Variants in KMT2C observed in about 807,000 individuals in gnomAD.
KMT2C encodes the protein lysine methyltransferase 2C, also known as histone-lysine N-methyltransferase 2C.
A neutral mutation model predicts 507.9 loss-of-function variants in KMT2C; 88 were observed. The observed-to-expected ratio is 0.17, with a 90% CI of 0.15 to 0.21. The LOEUF (loss-of-function observed/expected upper bound fraction) is 0.21, where lower values mean the gene tolerates loss of function less well. Among genes scored for constraint, KMT2C ranks in the 10% least tolerant of loss-of-function variants. KMT2C has a pLI of 1.00. For synonymous variants in KMT2C, 2,049 were observed against 2,080.8 expected (o/e 0.98, Z 0.42); for missense variants, 4,954 against 5,957.8 (o/e 0.83, Z 5.55).
intron 1 of KMT2C, among the ~76,000 whole-genome samples, chr7:152,410,513 G>A (rs2097670608): frequency 6.6e-6 from 1 of 152,182 alleles, no homozygotes; most frequent in Admixed American, 6.5e-5. Context: ...GGGAGGTGGA[G>A]GCTGCAGTGA....
chr7:152,263,660 G>A (rs112417246), intron 8 of KMT2C, among the ~76,000 whole-genome samples: 1 of 152,106 alleles, frequency 6.6e-6, no homozygotes, highest in African/African-American at 2.4e-5. Flanking sequence ...GAGAATTAAA[G>A]GTAATGCGGG....
At chr7:152,268,123 T>C (rs2095889481) in intron 7 of KMT2C, among the ~76,000 whole-genome samples, 2 of 152,150 alleles carry the variant, frequency 1.3e-5, no homozygotes, top group African/African-American at 4.8e-5. Flanking sequence ...CTACTAAAAA[T>C]ACAAAATTAG....
At chr7:152,257,865 GCACA>G (rs113752747) in intron 9 of KMT2C, among the ~76,000 whole-genome samples, 8 of 147,214 alleles carry the variant, frequency 5.4e-5, no homozygotes, top group African/African-American at 4.9e-5. Context: ...ACACACACAC[GCACA>G]CACACACACA....
intron 3 of KMT2C, among the ~76,000 whole-genome samples, chr7:152,330,072 A>T (rs909561930): frequency 7.4e-6 from 1 of 134,860 alleles, no homozygotes; most frequent in African/African-American, 2.8e-5. Flanking sequence ...TGAACCAGGG[A>T]ATTGGAGGTT....
intron 39 of KMT2C, among the ~76,000 whole-genome samples, chr7:152,171,778 T>C (rs982439207): frequency 6.6e-6 from 1 of 152,244 alleles, no homozygotes; most frequent in Non-Finnish European, 1.5e-5. Context: ...CAGTCTGTGT[T>C]AAAAACTAAT....
At chr7:152,217,170 T>C (rs1367370012) in intron 23 of KMT2C, among the ~76,000 whole-genome samples, 1 of 152,092 alleles carries the variant, frequency 6.6e-6, no homozygotes, top group African/African-American at 2.4e-5. Context: ...TAATACAAAA[T>C]ACCCAGAAAA....
At chr7:152,380,369 G>A (rs111789169) in intron 1 of KMT2C, among the ~76,000 whole-genome samples, 1 of 150,142 alleles carries the variant, frequency 6.7e-6, no homozygotes, top group Non-Finnish European at 1.5e-5. Flanking sequence ...GGAGTTCAAG[G>A]CCAACCTGAC....
At chr7:152,167,812 C>T (rs2092797473) in intron 41 of KMT2C, among the ~76,000 whole-genome samples, 2 of 152,046 alleles carry the variant, frequency 1.3e-5, no homozygotes, top group Non-Finnish European at 2.9e-5. Context: ...AATCACTTCC[C>T]ATGTTAATTT....
intron 6 of KMT2C, among the ~76,000 whole-genome samples, chr7:152,292,247 C>G (rs941463583): frequency 6.6e-6 from 1 of 152,096 alleles, no homozygotes; most frequent in African/African-American, 2.4e-5. Flanking sequence ...CCACTTTTCT[C>G]CTTTTCTTGT....
intron 53 of KMT2C, 54 bp from the exon 54 acceptor site, chr7:152,145,349 C>A: frequency 1.3e-6 from 2 of 1,563,640 alleles, no homozygotes; most frequent in Admixed American, 1.8e-5. Flanking sequence ...AGACTACAGA[C>A]AATCTCAAGC....
chr7:152,246,282 G>A (rs1347177398), intron 14 of KMT2C, among the ~76,000 whole-genome samples: 1 of 152,068 alleles, frequency 6.6e-6, no homozygotes, highest in Non-Finnish European at 1.5e-5. Context: ...GGAAAACACA[G>A]CCTACAAAAT....
chr7:152,301,864 T>C (rs2096572067), intron 6 of KMT2C, among the ~76,000 whole-genome samples: 1 of 152,366 alleles, frequency 6.6e-6, no homozygotes, highest in Non-Finnish European at 1.5e-5. Flanking sequence ...AGTCAGTAAC[T>C]TAAAGGATCT....
chr7:152,340,869 A>G (rs564108040), intron 2 of KMT2C, among the ~76,000 whole-genome samples: 65 of 152,212 alleles, frequency 4.3e-4, no homozygotes, highest in Non-Finnish European at 5.3e-4. Flanking sequence ...TTTAAATAGT[A>G]ATTGTTTAAG....
chr7:152,229,185 GA>G (rs1312494336), intron 18 of KMT2C, among the ~76,000 whole-genome samples: 1 of 152,156 alleles, frequency 6.6e-6, no homozygotes, highest in African/African-American at 2.4e-5. Context: ...GGCAGTACTA[GA>G]AAAGATTTCC....
chr7:152,202,791 G>C (rs2094188072), intron 26 of KMT2C, 143 bp downstream of exon 26: 1 of 682,422 alleles, frequency 1.5e-6, no homozygotes, highest in Non-Finnish European at 2.4e-6. Flanking sequence ...ACCCCTGAAA[G>C]GTAAAAATGG....
chr7:152,191,683 G>A (rs560240677), intron 31 of KMT2C, among the ~76,000 whole-genome samples: 7 of 152,310 alleles, frequency 4.6e-5, no homozygotes, highest in Admixed American at 2.6e-4. Flanking sequence ...GAAAAGGCTA[G>A]CTGCCTCTGC....
At chr7:152,270,493 AC>A (rs1425043509) in intron 7 of KMT2C, among the ~76,000 whole-genome samples, 1 of 152,216 alleles carries the variant, frequency 6.6e-6, no homozygotes, top group Non-Finnish European at 1.5e-5. Context: ...TACAAGGCCT[AC>A]ATGATCTAGC....
intron 6 of KMT2C, among the ~76,000 whole-genome samples, chr7:152,294,962 CTA>C (rs2096475980): frequency 6.6e-6 from 1 of 152,124 alleles, no homozygotes; most frequent in Non-Finnish European, 1.5e-5. Flanking sequence ...GGAAAACTGT[CTA>C]TGATTCCTAC....
At chr7:152,240,980 T>A (rs1237114259) in intron 14 of KMT2C, among the ~76,000 whole-genome samples, 1 of 152,146 alleles carries the variant, frequency 6.6e-6, no homozygotes, top group Non-Finnish European at 1.5e-5. Flanking sequence ...CTATTCTATT[T>A]CAAACCTTCA....
Sources: allele counts gnomAD v4.1 joint callset (sites outside exome capture counted in the v4.1 genomes callset), GRCh38; gene constraint gnomAD v4.1.1; transcripts MANE v1.5; gene names NCBI Gene and HGNC (gene_info 2026-07-23, HGNC 2026-07-21).